The following SPECC1 variants were observed in gnomAD, a reference collection of about 807,000 sequenced individuals.
The protein encoded by SPECC1 is sperm antigen with calponin homology and coiled-coil domains 1.
SPECC1 carries 62 observed loss-of-function variants against 104.1 expected under a neutral mutation model. That is an observed-to-expected ratio of 0.60 (90% CI 0.49 to 0.74). SPECC1 has a LOEUF of 0.74. SPECC1 is among the 30% of genes least tolerant of loss of function. The pLI is 0.00. For synonymous variants in SPECC1, 513 were observed against 501.6 expected, an observed-to-expected ratio of 1.02 and a Z score of -0.30; for missense variants, 1,306 against 1,310.5, an observed-to-expected ratio of 1.00 and a Z score of 0.05.
intron 12 of SPECC1, among the ~76,000 whole-genome samples, chr17:20,265,228 C>T (rs1034579816): frequency 1.3e-5 from 2 of 152,178 alleles, no homozygotes; most frequent in Admixed American, 6.5e-5. Context: ...TTCCCACCAG[C>T]AGTGTATAAG....
intron 3 of SPECC1, among the ~76,000 whole-genome samples, chr17:20,196,461 G>A (rs528401473): frequency 1.6e-4 from 25 of 152,044 alleles, no homozygotes; most frequent in Non-Finnish European, 3.1e-4. Context: ...AAGTTATACA[G>A]TAAGAGTCAT....
chr17:20,314,676 A>AGCCGGGCGGGGGGGGGGGGGGGGGGG lies in SPECC1; in HGVS notation c.*611_*612insGCCGGGCGGGGGGGGGGGGGGGGGGG. On this transcript the variant is annotated 3_prime_UTR_variant, in exon 15 of 15. Coordinates refer to ENST00000395527, the MANE Select transcript of SPECC1 (RefSeq NM_001243439.2). ...AAAACCCAAAACTTTGCCCTTGTGA[A>AGCCGGGCGGGGGGGGGGGGGGGGGGG]CCCTCCCTTCCCCCCTCCCCCCCCA... is the stretch of plus-strand genomic sequence containing the variant. 5.5e-6 allele frequency: 1 copy of AGCCGGGCGGGGGGGGGGGGGGGGGGG among 182,314 alleles called. No homozygotes were observed. 11.3% of individuals were successfully genotyped at this position (182,314 alleles called of 1,614,324 possible). A position where few individuals can be genotyped will look rare whatever the true frequency, so the allele number is the denominator to read the frequency against.
At chr17:20,088,228 G>C (rs1015013053) in intron 1 of SPECC1, among the ~76,000 whole-genome samples, 1 of 152,092 alleles carries the variant, frequency 6.6e-6, no homozygotes, top group Admixed American at 6.6e-5. Flanking sequence ...TTTTGTGTAC[G>C]TGTCTTAATT....
At position 20,296,980 on chromosome 17, in the gene SPECC1, T is replaced by G; in HGVS notation, c.2960T>G (p.Phe987Cys). The change falls in exon 13 of 15, where the codon TTC (phenylalanine) becomes TGC (cysteine). Residue 987 changes from phenylalanine to cysteine, a missense_variant. Physicochemically the swap from Phe to Cys is radical, Grantham distance 205. This residue lies in a region of SPECC1 where 129 missense variants were observed against 170.6 expected (regional missense o/e 0.76). Transcript: ENST00000395527. The part of the protein sequence containing the change: ...QGYANIDITN[F>C]SSSWSDGLAF... ...CTGCAGAACATTGACATCACCAATT[T>G]CAGCAGCAGCTGGAGCGATGGCCTG... 1 of 1,614,254 alleles carries G rather than the reference T, an allele frequency of 6.2e-7. No homozygotes were observed. The highest frequency in any genetic ancestry group is 8.5e-7 in the Non-Finnish European group (1 of 1,180,052).
intron 1 of SPECC1, among the ~76,000 whole-genome samples, chr17:20,028,760 AT>A (rs71157855): frequency 0.43 from 55,183 of 128,116 alleles, 10,197 homozygotes; most frequent in Middle Eastern, 0.48. Flanking sequence ...GTCATCTGGG[AT>A]TTTTTTTTTT....
chr17:20,081,669 G>A (rs888361615), intron 1 of SPECC1, among the ~76,000 whole-genome samples: 29 of 152,094 alleles, frequency 1.9e-4, no homozygotes, highest in Non-Finnish European at 3.7e-4. Flanking sequence ...GCATCTGGAA[G>A]ATTGGGCTGG....
chr17:20,157,464 A>G (rs1443346378), intron 3 of SPECC1, among the ~76,000 whole-genome samples: 2 of 152,254 alleles, frequency 1.3e-5, no homozygotes, highest in African/African-American at 4.8e-5. Flanking sequence ...AAAATGAAAT[A>G]TGCATAAAAT....
At chr17:20,023,694 T>C (rs2044486603) in intron 1 of SPECC1, among the ~76,000 whole-genome samples, 1 of 152,116 alleles carries the variant, frequency 6.6e-6, no homozygotes, top group African/African-American at 2.4e-5. Flanking sequence ...TCTGTGCTGA[T>C]AGCAGGAATG....
intron 1 of SPECC1, among the ~76,000 whole-genome samples, chr17:20,071,627 G>A (rs1176750192): frequency 6.6e-6 from 1 of 152,050 alleles, no homozygotes; most frequent in Non-Finnish European, 1.5e-5. Flanking sequence ...CTTCTTTTTT[G>A]TCATTCAGTA....
At chr17:20,225,255 C>T (rs2038131070) in intron 4 of SPECC1, among the ~76,000 whole-genome samples, 1 of 152,152 alleles carries the variant, frequency 6.6e-6, no homozygotes. Flanking sequence ...CAAGCACTCC[C>T]TTGGCTGCTC....
chr17:20,013,747 C>T (rs996889060), intron 1 of SPECC1, among the ~76,000 whole-genome samples: 1 of 151,040 alleles, frequency 6.6e-6, no homozygotes, highest in African/African-American at 2.5e-5. Flanking sequence ...AAGTGATCTG[C>T]CTGCCTTACC....
At chr17:20,198,947 G>A (rs2036218488) in intron 3 of SPECC1, among the ~76,000 whole-genome samples, 1 of 152,066 alleles carries the variant, frequency 6.6e-6, no homozygotes, top group Non-Finnish European at 1.5e-5. Context: ...TTCTACCTCT[G>A]TGATTGATTT....
chr17:20,158,064 T>C (rs950830681), intron 3 of SPECC1, among the ~76,000 whole-genome samples: 4 of 152,212 alleles, frequency 2.6e-5, no homozygotes, highest in African/African-American at 9.6e-5. Context: ...AGTTCATCAC[T>C]GAGATCCTGG....
intron 1 of SPECC1, among the ~76,000 whole-genome samples, chr17:20,036,812 C>T (rs979490218): frequency 1.3e-5 from 2 of 152,068 alleles, no homozygotes; most frequent in African/African-American, 4.8e-5. Context: ...CCTTTCTTAT[C>T]GTTTTGCACA....
chr17:20,266,753 G>A lies in SPECC1; in HGVS notation c.2940+6459G>A, dbSNP rs374347999. On this transcript the variant is annotated intron_variant, in intron 12 of 14. Transcript: ENST00000395527. ...TTGTATTGCCGTGGAGAGAAATAAAGCAGGGAAGGAGGGTTGGGAATGTTG... is the reference window on the plus strand; with the variant it reads ...TTGTATTGCCGTGGAGAGAAATAAAACAGGGAAGGAGGGTTGGGAATGTTG... Among the ~76,000 whole-genome samples the A allele has an allele frequency of 5.3e-5, 8 of 152,292 alleles. No individual in the cohort carries two copies. The East Asian group carries it at 9.6e-4, about 18-fold the overall frequency.
Position 20,123,543 on chromosome 17 carries a change from G to GGGC in SPECC1, c.283+12981_283+12982insGGC, listed in dbSNP as rs879270197. 4.8e-3 allele frequency among the ~76,000 whole-genome samples: 731 copies of GGGC among 152,304 alleles called. 3 individuals carry two copies. Among genetic ancestry groups the GGGC allele is most frequent in the African/African-American group, 0.013 (531 of 41,556 alleles). ...TCTGACATGAGGAGGGAATAACTCTGTCCTCTCTGACATGAGGAGGGGAAC... is the reference window on the plus strand; with the variant it reads ...TCTGACATGAGGAGGGAATAACTCTGGGCTCCTCTCTGACATGAGGAGGGGAAC... On this transcript the variant is annotated intron_variant, in intron 3 of 14. Transcript: ENST00000395527.
chr17:20,072,944 T>C (rs1036099785), intron 1 of SPECC1, among the ~76,000 whole-genome samples: 1 of 152,168 alleles, frequency 6.6e-6, no homozygotes, highest in African/African-American at 2.4e-5. Flanking sequence ...CCTGTTGCAG[T>C]AGATCCCATT....
At chr17:20,057,836 C>CT (rs1407655607) in intron 1 of SPECC1, 1 of 152,104 alleles carries the variant, frequency 6.6e-6, no homozygotes, top group Admixed American at 6.5e-5. Flanking sequence ...ATTCCTAATC[C>CT]ACTCTTTGAT....
chr17:20,163,022 C>A (rs1376347644), intron 3 of SPECC1, among the ~76,000 whole-genome samples: 1 of 152,066 alleles, frequency 6.6e-6, no homozygotes, highest in Non-Finnish European at 1.5e-5. Flanking sequence ...GAGCAAAACT[C>A]CATCTCAAAA....
Sources: gnomAD v4.1 joint callset for allele counts (sites outside exome capture counted in the v4.1 genomes callset) on GRCh38, gnomAD v4.1.1 for gene constraint, gnomAD v4.1.1 regional missense constraint, MANE v1.5 for transcripts, NCBI Gene and HGNC (gene_info 2026-07-23, HGNC 2026-07-21) for gene names.